TANC2: variants seen among roughly 807,000 people sequenced by gnomAD.
The protein encoded by TANC2 is tetratricopeptide repeat, ankyrin repeat and coiled-coil containing 2.
Under a neutral mutation model 210.5 loss-of-function variants are expected in TANC2, and 26 were observed. That is an observed-to-expected ratio of 0.12 (90% CI 0.09 to 0.17). TANC2 has a LOEUF of 0.17. TANC2 is among the 10% of genes least tolerant of loss of function. TANC2 has a pLI of 1.00. For synonymous variants in TANC2, 931 were observed against 967.1 expected, an observed-to-expected ratio of 0.96 and a Z score of 0.69; for missense variants, 2,129 against 2,608.9, an observed-to-expected ratio of 0.82 and a Z score of 4.01.
At chr17:63,152,757 T>A (rs763863612) in intron 5 of TANC2, 2 of 152,132 alleles carry the variant, frequency 1.3e-5, no homozygotes, top group East Asian at 1.9e-4. Context: ...GAAAACCCTA[T>A]CAGAGGCCTT....
intron 7 of TANC2, among the ~76,000 whole-genome samples, chr17:63,217,174 A>G (rs1405445713): frequency 1.3e-5 from 2 of 152,214 alleles, no homozygotes; most frequent in African/African-American, 4.8e-5. Flanking sequence ...TAAGAAGTTC[A>G]ACCGAATGTA....
At chr17:63,244,466 A>G (rs2042861870) in intron 8 of TANC2, among the ~76,000 whole-genome samples, 2 of 152,198 alleles carry the variant, frequency 1.3e-5, no homozygotes, top group South Asian at 4.1e-4. Context: ...TCTGGGGACA[A>G]TGGTTTTGGC....
rs567268087 is a variant in TANC2, at chr17:63,421,035, G to A, written c.5305G>A (p.Ala1769Thr). 15 of 1,613,940 alleles carry A rather than the reference G, an allele frequency of 9.3e-6. No individual in the cohort carries two copies. The highest frequency in any genetic ancestry group is 2.7e-5 in the African/African-American group (2 of 75,044). The change falls in exon 28 of 28, where the codon GCC becomes ACC. Residue 1769 changes from alanine (A) to threonine (T), a missense_variant. Physicochemically the swap from Ala to Thr is moderately conservative, Grantham distance 58 (BLOSUM62 0). Coordinates refer to ENST00000689528, the Ensembl canonical transcript of TANC2. This position sits in a 1 kb window ranked among gnomAD's most constrained non-coding sequence, Gnocchi z 6.9. The stretch of plus-strand genomic sequence containing the variant: ...TGTCCAAGCCAGCCTGAGTGCAGGC[G>A]CCATCTGTCAGCATGGAGGATTGAC...
intron 9 of TANC2, among the ~76,000 whole-genome samples, chr17:63,299,312 G>T (rs1439241046): frequency 2.0e-5 from 3 of 152,190 alleles, no homozygotes; most frequent in African/African-American, 7.2e-5. Context: ...TGGGTTAAAT[G>T]GTATTTTTGG....
At chr17:63,292,832 A>T (rs1015315772) in intron 9 of TANC2, among the ~76,000 whole-genome samples, 1 of 152,202 alleles carries the variant, frequency 6.6e-6, no homozygotes, top group African/African-American at 2.4e-5. Context: ...CCATGGTATC[A>T]TTAACCCTAT....
intron 5 of TANC2, among the ~76,000 whole-genome samples, chr17:63,185,503 T>C (rs2040951375): frequency 1.3e-5 from 2 of 152,228 alleles, no homozygotes; most frequent in South Asian, 4.1e-4. Context: ...CAACTAGTAG[T>C]GGACTTGCTG....
intron 4 of TANC2, chr17:63,120,570 T>G (rs1365496190): frequency 6.6e-6 from 1 of 152,018 alleles, no homozygotes; most frequent in Non-Finnish European, 1.5e-5. Context: ...TCCCACCACT[T>G]TGGGAGGCTG....
chr17:63,304,777 C>G (rs547363326), intron 9 of TANC2, among the ~76,000 whole-genome samples: 1 of 152,248 alleles, frequency 6.6e-6, no homozygotes, highest in East Asian at 1.9e-4. Flanking sequence ...CCCTGAGTCC[C>G]TGGCTGGAGT....
chr17:63,213,044 T>A (rs1015541405), intron 7 of TANC2, among the ~76,000 whole-genome samples: 4 of 152,230 alleles, frequency 2.6e-5, no homozygotes, highest in South Asian at 2.1e-4. Context: ...AGGCTTGATG[T>A]TGTAGTTAAC....
intron 1 of TANC2, among the ~76,000 whole-genome samples, chr17:63,007,982 G>A (rs1473185603): frequency 7.6e-6 from 1 of 132,112 alleles, no homozygotes; most frequent in Non-Finnish European, 1.6e-5. Context: ...TGCTTGATTG[G>A]CGCCAGTTTT....
chr17:63,122,188 G>A (rs978904062), intron 4 of TANC2, among the ~76,000 whole-genome samples: 1 of 152,160 alleles, frequency 6.6e-6, no homozygotes, highest in Non-Finnish European at 1.5e-5. Context: ...TAGAGAAACG[G>A]TTTAGCATTT....
intron 5 of TANC2, among the ~76,000 whole-genome samples, chr17:63,158,893 T>C (rs1453792725): frequency 6.6e-6 from 1 of 152,202 alleles, no homozygotes; most frequent in Non-Finnish European, 1.5e-5. Context: ...TTTGTGTTTA[T>C]ACACATAGTT....
chr17:63,005,893 A>AGTTT (rs1359661334), intron 1 of TANC2, among the ~76,000 whole-genome samples: 22 of 121,112 alleles, frequency 1.8e-4, no homozygotes, highest in South Asian at 1.2e-3. Flanking sequence ...CTGGCTGTAT[A>AGTTT]GTTTGTGTGT....
chr17:63,238,114 TA>T, intron 8 of TANC2, 37 bp downstream of exon 8: 1 of 1,499,930 alleles, frequency 6.7e-7, no homozygotes, highest in Non-Finnish European at 8.9e-7. Context: ...TTGCTGTTGT[TA>T]AATAATCATT....
intron 1 of TANC2, among the ~76,000 whole-genome samples, chr17:63,002,770 C>T (rs1271673935): frequency 6.6e-6 from 1 of 152,134 alleles, no homozygotes; most frequent in Admixed American, 6.6e-5. Context: ...GGTTCTTTCA[C>T]TTGGCATATT....
At chr17:63,183,949 G>A (rs1016193970) in intron 5 of TANC2, among the ~76,000 whole-genome samples, 1 of 151,740 alleles carries the variant, frequency 6.6e-6, no homozygotes, top group African/African-American at 2.4e-5. Flanking sequence ...CCCGGGAGGC[G>A]GAGCCTGCAG....
At chr17:63,064,954 G>A (rs2036143478) in intron 2 of TANC2, among the ~76,000 whole-genome samples, 1 of 151,234 alleles carries the variant, frequency 6.6e-6, no homozygotes, top group African/African-American at 2.4e-5. Flanking sequence ...ATTTACTATA[G>A]TCACCATTCT....
At chr17:63,166,754 C>T (rs971406435) in intron 5 of TANC2, among the ~76,000 whole-genome samples, 4 of 151,648 alleles carry the variant, frequency 2.6e-5, no homozygotes, top group African/African-American at 9.7e-5. Context: ...AGTGTTAGAT[C>T]TCCACAGCCC....
At chr17:63,168,643 T>G (rs1012365547) in intron 5 of TANC2, among the ~76,000 whole-genome samples, 11 of 152,352 alleles carry the variant, frequency 7.2e-5, no homozygotes, top group Non-Finnish European at 1.5e-4. Flanking sequence ...CAACATATAC[T>G]TTATCATGTC....
Sources: gnomAD v4.1 joint callset for allele counts (sites outside exome capture counted in the v4.1 genomes callset) on GRCh38, gnomAD v4.1.1 for gene constraint, Gnocchi (gnomAD v3.1) non-coding constraint, MANE v1.5 for transcripts, NCBI Gene and HGNC (gene_info 2026-07-23, HGNC 2026-07-21) for gene names.